Variants in SLC39A11 observed in about 807,000 individuals in gnomAD.
SLC39A11 encodes zinc transporter ZIP11.
SLC39A11 carries 33 observed loss-of-function variants against 36.1 expected under a neutral mutation model. The ratio of observed to expected loss-of-function variants is 0.91; its 90% CI spans 0.69 to 1.22. The LOEUF (loss-of-function observed/expected upper bound fraction) is 1.22, where lower values mean the gene tolerates loss of function less well. Ranked by LOEUF, SLC39A11 falls within the 50% of genes most tolerant of loss-of-function variation. SLC39A11 has a pLI of 0.00. For missense variants in SLC39A11, 432 were observed against 430.3 expected (o/e 1.00, Z -0.03); for synonymous variants, 166 against 170.3 (o/e 0.97, Z 0.20).
chr17:72,769,035 T>A (rs1218020881), intron 6 of SLC39A11, among the ~76,000 whole-genome samples: 1 of 152,164 alleles, frequency 6.6e-6, no homozygotes, highest in Non-Finnish European at 1.5e-5. Flanking sequence ...GCTAGGATTA[T>A]AGGCGTGAGC....
chr17:73,028,747 T>C (rs2058642325), intron 4 of SLC39A11, among the ~76,000 whole-genome samples: 1 of 151,578 alleles, frequency 6.6e-6, no homozygotes, highest in African/African-American at 2.4e-5. Context: ...TATCCAGGGC[T>C]TCCCTCTGGG....
chr17:72,869,248 T>C (rs1301397854), intron 5 of SLC39A11, among the ~76,000 whole-genome samples: 1 of 152,186 alleles, frequency 6.6e-6, no homozygotes, highest in Non-Finnish European at 1.5e-5. Context: ...GGCCCCAGCT[T>C]TTGACAAGGT....
intron 7 of SLC39A11, among the ~76,000 whole-genome samples, chr17:72,693,147 C>T (rs559849105): frequency 3.7e-4 from 57 of 152,330 alleles, no homozygotes; most frequent in Non-Finnish European, 6.5e-4. Context: ...AATTCAAAGG[C>T]AGCCTCCAAT....
At chr17:73,000,983 A>G (rs1198058535) in intron 4 of SLC39A11, among the ~76,000 whole-genome samples, 1 of 152,252 alleles carries the variant, frequency 6.6e-6, no homozygotes, top group African/African-American at 2.4e-5. Context: ...ATTCATTCCT[A>G]TAGTATCTGC....
chr17:72,666,893 G>A (rs550840673), intron 7 of SLC39A11, among the ~76,000 whole-genome samples: 145 of 152,312 alleles, frequency 9.5e-4, no homozygotes, highest in African/African-American at 3.4e-3. Context: ...CTATTCCTTT[G>A]CAAATGATTT....
At chr17:72,667,794 A>G (rs1276022175) in intron 7 of SLC39A11, among the ~76,000 whole-genome samples, 2 of 152,244 alleles carry the variant, frequency 1.3e-5, no homozygotes, top group Non-Finnish European at 2.9e-5. Flanking sequence ...CTGTTCATGC[A>G]TCTTCTCATT....
At chr17:72,696,318 C>T (rs915388721) in intron 7 of SLC39A11, among the ~76,000 whole-genome samples, 1 of 152,108 alleles carries the variant, frequency 6.6e-6, no homozygotes, top group East Asian at 1.9e-4. Flanking sequence ...TCCTCCACCC[C>T]ACAGGAGGGA....
chr17:72,742,664 TC>T (rs1031561326), intron 6 of SLC39A11, among the ~76,000 whole-genome samples: 11 of 152,334 alleles, frequency 7.2e-5, no homozygotes, highest in African/African-American at 2.6e-4. Context: ...TCCTTTTTTT[TC>T]CTTTGTGTAC....
rs1262505203 is a variant in SLC39A11, at chr17:72,900,144, G to GA, written c.430+47607dup. The stretch of plus-strand genomic sequence containing the variant: ...AAGAAAAGAAAGAAAGAAAGAAAAA[G>GA]AAAGAAAGAAAAGAAAGAAAGAAAG... On this transcript the variant is annotated intron_variant, in intron 5 of 9. Transcript: ENST00000255559. Among the ~76,000 whole-genome samples the GA allele has an allele frequency of 2.8e-3, 54 of 19,056 alleles. 8 individuals carry two copies. In the African/African-American group the frequency reaches 0.041, roughly 14 times the overall value. The allele number at this position is 19,056 out of a possible 152,430, so 12.5% of individuals were successfully genotyped here.
chr17:72,932,643 G>A (rs190924711), intron 5 of SLC39A11, among the ~76,000 whole-genome samples: 285 of 152,024 alleles, frequency 1.9e-3, no homozygotes, highest in Non-Finnish European at 3.0e-3. Flanking sequence ...AAATCCCCAC[G>A]GTCTGGGCCA....
chr17:72,832,875 C>G (rs996761752), intron 6 of SLC39A11, among the ~76,000 whole-genome samples: 2 of 152,168 alleles, frequency 1.3e-5, no homozygotes, highest in African/African-American at 4.8e-5. Context: ...ATTAATTAAA[C>G]CTGTTATTTG....
At chr17:72,716,345 T>A (rs1283640994) in intron 7 of SLC39A11, among the ~76,000 whole-genome samples, 1 of 152,052 alleles carries the variant, frequency 6.6e-6, no homozygotes, top group Non-Finnish European at 1.5e-5. Context: ...GTTGAACCTT[T>A]TTTTTTTTGT....
intron 4 of SLC39A11, among the ~76,000 whole-genome samples, chr17:73,000,920 G>C (rs567576285): frequency 6.6e-6 from 1 of 152,198 alleles, no homozygotes; most frequent in Non-Finnish European, 1.5e-5. Context: ...TCTGTCTGCT[G>C]ACTATTGTTG....
At chr17:72,891,832 A>AATTATTTTAAAAATGTAAAATAATTTTT (rs2081760960) in intron 5 of SLC39A11, among the ~76,000 whole-genome samples, 7 of 151,266 alleles carry the variant, frequency 4.6e-5, no homozygotes, top group Admixed American at 3.3e-4. Flanking sequence ...ATAATTTTAA[A>AATTATTTTAAAAATGTAAAATAATTTTT]ATTATTTTAA....
At chr17:73,059,936 G>A (rs544620404) in intron 3 of SLC39A11, among the ~76,000 whole-genome samples, 2 of 151,816 alleles carry the variant, frequency 1.3e-5, no homozygotes, top group African/African-American at 2.4e-5. Context: ...TCAGCAGGGC[G>A]TGGTGACTCA....
intron 7 of SLC39A11, among the ~76,000 whole-genome samples, chr17:72,726,016 C>A (rs961323514): frequency 1.3e-5 from 2 of 152,186 alleles, no homozygotes; most frequent in Non-Finnish European, 2.9e-5. Flanking sequence ...GGCTGGGTCT[C>A]CAATTCTCAG....
intron 5 of SLC39A11, among the ~76,000 whole-genome samples, chr17:72,908,062 C>T (rs1393908442): frequency 6.6e-6 from 1 of 152,198 alleles, no homozygotes; most frequent in African/African-American, 2.4e-5. Context: ...TTAGTTCCTC[C>T]TTCTCCCTGA....
At chr17:72,948,009 A>T (rs1269085016) in intron 4 of SLC39A11, 134 bp from the exon 5 acceptor site, 2 of 1,128,742 alleles carry the variant, frequency 1.8e-6, no homozygotes, top group African/African-American at 3.1e-5. Context: ...CCTCCGGCCA[A>T]CCCAGTTGCC....
intron 5 of SLC39A11, among the ~76,000 whole-genome samples, chr17:72,861,315 T>C (rs929503808): frequency 1.3e-5 from 2 of 152,056 alleles, no homozygotes; most frequent in African/African-American, 4.8e-5. Context: ...CTAAAGATAA[T>C]AGAGATTTTC....
Sources: gnomAD v4.1 joint callset for allele counts (sites outside exome capture counted in the v4.1 genomes callset) on GRCh38, gnomAD v4.1.1 for gene constraint, MANE v1.5 for transcripts, NCBI Gene and HGNC (gene_info 2026-07-23, HGNC 2026-07-21) for gene names.